The following TBC1D5 variants were observed in gnomAD, a reference collection of about 807,000 sequenced individuals.
The protein encoded by TBC1D5 is TBC1 domain family member 5, also known as TBC1 domain family, member 5.
TBC1D5 carries 75 observed loss-of-function variants against 100.3 expected under a neutral mutation model. The ratio of observed to expected loss-of-function variants is 0.75; its 90% CI spans 0.62 to 0.91. The LOEUF (loss-of-function observed/expected upper bound fraction) is 0.91, where lower values mean the gene tolerates loss of function less well. Ranked by LOEUF, TBC1D5 falls within the 40% of genes least tolerant of loss-of-function variation. The pLI, the probability that TBC1D5 is intolerant of heterozygous loss-of-function variation, is 0.00. For synonymous variants in TBC1D5, 323 were observed against 325.6 expected (o/e 0.99, Z 0.09); for missense variants, 910 against 942.4 (o/e 0.97, Z 0.45).
At chr3:17,187,347 T>G (rs1179494007) in intron 18 of TBC1D5, among the ~76,000 whole-genome samples, 1 of 152,206 alleles carries the variant, frequency 6.6e-6, no homozygotes, top group Non-Finnish European at 1.5e-5. Flanking sequence ...CTAGCTACCA[T>G]GCTGTAAAGA....
intron 13 of TBC1D5, among the ~76,000 whole-genome samples, chr3:17,346,596 C>A (rs2151551901): frequency 6.6e-6 from 1 of 152,224 alleles, no homozygotes; most frequent in Non-Finnish European, 1.5e-5. Flanking sequence ...TAAAACCCAT[C>A]AACATCTCCT....
At chr3:17,185,424 T>A (rs564543977) in intron 18 of TBC1D5, among the ~76,000 whole-genome samples, 1 of 152,214 alleles carries the variant, frequency 6.6e-6, no homozygotes, top group Non-Finnish European at 1.5e-5. Flanking sequence ...ATTTTTCTAA[T>A]TGAATTCTAG....
chr3:17,340,336 T>A (rs181839755), intron 13 of TBC1D5, among the ~76,000 whole-genome samples: 7 of 152,186 alleles, frequency 4.6e-5, no homozygotes, highest in Admixed American at 2.0e-4. Context: ...TATAACCACA[T>A]TGGGCCAGTG....
chr3:17,375,498 C>A (rs2092672943), intron 10 of TBC1D5, among the ~76,000 whole-genome samples: 1 of 151,404 alleles, frequency 6.6e-6, no homozygotes, highest in Non-Finnish European at 1.5e-5. Context: ...ACCCGTAAGG[C>A]AGAGGTTGCA....
At chr3:17,525,703 C>T (rs2153352154) in intron 2 of TBC1D5, among the ~76,000 whole-genome samples, 1 of 152,096 alleles carries the variant, frequency 6.6e-6, no homozygotes, top group East Asian at 1.9e-4. Flanking sequence ...TCTACCCACA[C>T]CTGTGTTCCC....
intron 1 of TBC1D5, among the ~76,000 whole-genome samples, chr3:17,647,384 G>T: frequency 6.6e-6 from 1 of 152,144 alleles, no homozygotes; most frequent in Admixed American, 6.6e-5. Flanking sequence ...AAGTGCTTCA[G>T]AGAAAAGTAA....
At position 17,298,541 on chromosome 3, in the gene TBC1D5, C is replaced by G. The variant is rs552270019; in HGVS notation, c.1139-6540G>C. ...AAACAAAGGCAGACACTGAGTGGCTCCTATGGCAGGGGTGATAAGGAGAAA... is the reference window on the plus strand; with the variant it reads ...AAACAAAGGCAGACACTGAGTGGCTGCTATGGCAGGGGTGATAAGGAGAAA... On this transcript the variant is annotated intron_variant, in intron 14 of 21. Coordinates refer to ENST00000253692, the Ensembl canonical transcript of TBC1D5. Among the ~76,000 whole-genome samples the G allele has an allele frequency of 9.7e-4, 147 of 152,068 alleles. 2 individuals carry two copies. Among genetic ancestry groups the G allele is most frequent in the Non-Finnish European group, 1.6e-3 (112 of 67,994 alleles).
chr3:17,652,229 T>C (rs192661696), intron 1 of TBC1D5, among the ~76,000 whole-genome samples: 1 of 152,300 alleles, frequency 6.6e-6, no homozygotes, highest in Admixed American at 6.5e-5. Context: ...TTTGCCATCT[T>C]ATCATAAGTT....
intron 1 of TBC1D5, among the ~76,000 whole-genome samples, chr3:17,721,484 T>TGC (rs1057266116): frequency 2.7e-5 from 4 of 150,158 alleles, no homozygotes; most frequent in African/African-American, 1.0e-4. Context: ...TGTGTGTGTG[T>TGC]GTGTTGTGGC....
At chr3:17,543,154 A>C (rs1230226824) in intron 2 of TBC1D5, among the ~76,000 whole-genome samples, 2 of 152,160 alleles carry the variant, frequency 1.3e-5, no homozygotes. Context: ...AAGAAAAGAA[A>C]GAATAGAGAG....
intron 14 of TBC1D5, among the ~76,000 whole-genome samples, chr3:17,297,201 T>TTAA (rs897281623): frequency 1.3e-5 from 2 of 152,358 alleles, no homozygotes; most frequent in African/African-American, 4.8e-5. Context: ...AGGATATCAA[T>TTAA]TAAGTGCACA....
chr3:17,553,887 A>C (rs946875659), intron 2 of TBC1D5, among the ~76,000 whole-genome samples: 6 of 152,222 alleles, frequency 3.9e-5, no homozygotes, highest in Non-Finnish European at 7.3e-5. Context: ...TGTTGACAAC[A>C]ATCCAAGTAT....
At chr3:17,359,556 C>T (rs186558246) in intron 13 of TBC1D5, among the ~76,000 whole-genome samples, 139 of 152,098 alleles carry the variant, frequency 9.1e-4, no homozygotes, top group Admixed American at 6.7e-3. Flanking sequence ...ATCTAGAAAA[C>T]TTGCTTTTAC....
At chr3:17,185,552 C>T (rs762504741) in intron 18 of TBC1D5, among the ~76,000 whole-genome samples, 1 of 152,216 alleles carries the variant, frequency 6.6e-6, no homozygotes, top group East Asian at 1.9e-4. Context: ...TTGAGCAACA[C>T]AAATTAAGAG....
intron 1 of TBC1D5, among the ~76,000 whole-genome samples, chr3:17,724,075 C>CTTTTTTT (rs969049204): frequency 1.5e-5 from 2 of 131,048 alleles, no homozygotes; most frequent in East Asian, 4.4e-4. Context: ...CGATTGGCAA[C>CTTTTTTT]TTTTTTTTTT....
At chr3:17,726,288 C>G (rs2076123444) in intron 1 of TBC1D5, among the ~76,000 whole-genome samples, 1 of 152,226 alleles carries the variant, frequency 6.6e-6, no homozygotes, top group Non-Finnish European at 1.5e-5. Flanking sequence ...AATCACCACA[C>G]TACTTTTCCA....
At chr3:17,683,207 T>G (rs934792059) in intron 1 of TBC1D5, among the ~76,000 whole-genome samples, 1 of 151,536 alleles carries the variant, frequency 6.6e-6, no homozygotes, top group African/African-American at 2.4e-5. Context: ...TTTGTGGTCA[T>G]TTCTATAAAA....
chr3:17,283,241 A>G (rs767685), intron 15 of TBC1D5, among the ~76,000 whole-genome samples: 59,531 of 152,076 alleles, frequency 0.39, 12,374 homozygotes, highest in Middle Eastern at 0.5. Flanking sequence ...TATGTGGTCC[A>G]GTTTCCTCAT....
chr3:17,632,176 C>T (rs114457472), intron 1 of TBC1D5, among the ~76,000 whole-genome samples: 2,829 of 152,248 alleles, frequency 0.019, 44 homozygotes, highest in Non-Finnish European at 0.027. Flanking sequence ...TGAACCCTCA[C>T]GGATGACTTG....
Sources: allele counts gnomAD v4.1 joint callset (sites outside exome capture counted in the v4.1 genomes callset), GRCh38; gene constraint gnomAD v4.1.1; transcripts MANE v1.5; gene names NCBI Gene and HGNC (gene_info 2026-07-23, HGNC 2026-07-21).